Variants in ZNF277 observed in about 807,000 individuals in gnomAD.
ZNF277 encodes the protein zinc finger protein 277, also known as nuclear receptor-interacting factor 4.
A neutral mutation model predicts 60.7 loss-of-function variants in ZNF277; 55 were observed. The observed-to-expected ratio is 0.91, with a 90% CI of 0.73 to 1.13. The LOEUF (loss-of-function observed/expected upper bound fraction) is 1.13, where lower values mean the gene tolerates loss of function less well. ZNF277 is among the 50% of genes most tolerant of loss of function. The probability of loss-of-function intolerance (pLI) is 0.00; values close to 1 mark genes in which losing one functional copy is unlikely to be tolerated. For synonymous variants in ZNF277, 178 were observed against 179.3 expected (o/e 0.99, Z 0.06); for missense variants, 510 against 523.0 (o/e 0.98, Z 0.24).
chr7:112,207,335 G>T (rs1266342301), intron 1 of ZNF277, among the ~76,000 whole-genome samples: 6 of 152,156 alleles, frequency 3.9e-5, no homozygotes, highest in African/African-American at 1.4e-4. Flanking sequence ...GACCTCTGAA[G>T]GGAAAGTGTG....
At chr7:112,240,680 A>G (rs765864161) in intron 1 of ZNF277, among the ~76,000 whole-genome samples, 6 of 152,210 alleles carry the variant, frequency 3.9e-5, no homozygotes, top group Non-Finnish European at 8.8e-5. Flanking sequence ...GGAACAGAAT[A>G]GAGAATCCAG....
intron 6 of ZNF277, chr7:112,328,548 A>G (rs374735841): frequency 2.0e-5 from 3 of 152,072 alleles, no homozygotes; most frequent in South Asian, 2.1e-4. Flanking sequence ...TGGTGCTTCA[A>G]CCCACAACAC....
chr7:112,243,034 A>G (rs917629030), intron 1 of ZNF277, among the ~76,000 whole-genome samples: 13 of 152,188 alleles, frequency 8.5e-5, no homozygotes, highest in Admixed American at 8.5e-4. Context: ...CCTACATTCA[A>G]TTGATCTTTG....
At chr7:112,260,644 GA>G (rs1791420653) in intron 1 of ZNF277, among the ~76,000 whole-genome samples, 1 of 152,092 alleles carries the variant, frequency 6.6e-6, no homozygotes, top group Non-Finnish European at 1.5e-5. Flanking sequence ...TTATTTCTAG[GA>G]AGCGATAAGC....
intron 1 of ZNF277, among the ~76,000 whole-genome samples, chr7:112,271,498 G>A (rs150477634): frequency 2.0e-5 from 3 of 152,284 alleles, no homozygotes; most frequent in Non-Finnish European, 4.4e-5. Flanking sequence ...TATTTTTTAA[G>A]TGTCCTGAAC....
intron 1 of ZNF277, among the ~76,000 whole-genome samples, chr7:112,256,276 A>G (rs554349561): frequency 3.2e-4 from 48 of 152,184 alleles, no homozygotes; most frequent in Middle Eastern, 6.8e-3. Flanking sequence ...TTATCTCCTG[A>G]ATGTCTTATA....
intron 1 of ZNF277, among the ~76,000 whole-genome samples, chr7:112,257,136 A>G (rs1791332516): frequency 6.6e-6 from 1 of 152,234 alleles, no homozygotes; most frequent in African/African-American, 2.4e-5. Context: ...GACCATCAAC[A>G]TAATCAATAC....
intron 4 of ZNF277, among the ~76,000 whole-genome samples, chr7:112,308,767 G>C (rs1792656636): frequency 6.6e-6 from 1 of 152,014 alleles, no homozygotes; most frequent in African/African-American, 2.4e-5. Context: ...TAAAACAAAA[G>C]ACAGATTAAC....
chr7:112,238,772 G>T (rs1473044492), intron 1 of ZNF277, among the ~76,000 whole-genome samples: 1 of 151,818 alleles, frequency 6.6e-6, no homozygotes. Flanking sequence ...CCAGGCCCTG[G>T]CTCCTGGATG....
chr7:112,286,264 T>G (rs551662896), intron 1 of ZNF277, among the ~76,000 whole-genome samples: 3 of 152,344 alleles, frequency 2.0e-5, no homozygotes, highest in East Asian at 3.9e-4. Flanking sequence ...TAATGCATAC[T>G]TGTGTAATAG....
At position 112,343,710 on chromosome 7, in the gene ZNF277, G is replaced by T. The variant is rs1379565258; in HGVS notation, c.*981G>T. 6.6e-6 allele frequency among the ~76,000 whole-genome samples: 1 copy of T among 152,012 alleles called. No individual in the cohort carries two copies. Among genetic ancestry groups the T allele is most frequent in the Non-Finnish European group, 1.5e-5 (1 of 67,986 alleles). On this transcript the variant is annotated 3_prime_UTR_variant, in exon 12 of 12. Transcript: ENST00000361822. ...GGGAGGCCAAGGCAGAGGATCACAT[G>T]AGGTCAGGAGTTCAAGATCAGCCTG...
At chr7:112,218,555 A>G (rs1389235853) in intron 1 of ZNF277, among the ~76,000 whole-genome samples, 2 of 152,206 alleles carry the variant, frequency 1.3e-5, no homozygotes, top group Non-Finnish European at 2.9e-5. Flanking sequence ...CCTGTTGTAC[A>G]GCAGATCTCC....
chr7:112,284,823 T>A (rs1792025515), intron 1 of ZNF277, among the ~76,000 whole-genome samples: 1 of 152,172 alleles, frequency 6.6e-6, no homozygotes, highest in African/African-American at 2.4e-5. Flanking sequence ...CCAGCTCAGT[T>A]AAGTGACTCC....
intron 1 of ZNF277, among the ~76,000 whole-genome samples, chr7:112,216,912 A>G (rs565009067): frequency 2.0e-5 from 3 of 152,318 alleles, no homozygotes; most frequent in Non-Finnish European, 4.4e-5. Flanking sequence ...CTATACTCTG[A>G]GACAATATGG....
At chr7:112,228,655 AT>A (rs1268683235) in intron 1 of ZNF277, among the ~76,000 whole-genome samples, 1 of 151,568 alleles carries the variant, frequency 6.6e-6, no homozygotes, top group African/African-American at 2.4e-5. Flanking sequence ...CAACACTCTT[AT>A]TTTTTTACTA....
At position 112,294,439 on chromosome 7, in the gene ZNF277, T is replaced by C. The variant is rs980601325; in HGVS notation, c.294-1430T>C. On this transcript the variant is annotated intron_variant, in intron 2 of 11. Coordinates refer to ENST00000361822, the MANE Select transcript of ZNF277 (RefSeq NM_021994.3). The stretch of plus-strand genomic sequence containing the variant: ...GTTAGCCAAGGAGTAGGGTGCATCA[T>C]TTATATATTTGTGGTTTAAGGCTCA... 3.9e-5 allele frequency among the ~76,000 whole-genome samples: 6 copies of C among 152,304 alleles called. No individual in the cohort carries two copies. In the Middle Eastern group the frequency reaches 0.01, roughly 259 times the overall value.
At chr7:112,275,534 G>A (rs4730519) in intron 1 of ZNF277, among the ~76,000 whole-genome samples, 59,279 of 151,958 alleles carry the variant, frequency 0.39, 15,001 homozygotes, top group African/African-American at 0.72. Context: ...GAATATACTT[G>A]ACCATATATG....
At chr7:112,326,612 A>G (rs1793097508) in intron 5 of ZNF277, among the ~76,000 whole-genome samples, 1 of 151,446 alleles carries the variant, frequency 6.6e-6, no homozygotes, top group East Asian at 1.9e-4. Flanking sequence ...TACTAACCAC[A>G]AGGTTAATAA....
intron 8 of ZNF277, among the ~76,000 whole-genome samples, chr7:112,337,407 A>G (rs41281063): frequency 0.15 from 22,452 of 152,220 alleles, 1,726 homozygotes; most frequent in South Asian, 0.16. Flanking sequence ...ATTTTCTGAT[A>G]TGTCTCCTTT....
Sources: allele counts gnomAD v4.1 joint callset (sites outside exome capture counted in the v4.1 genomes callset), GRCh38; gene constraint gnomAD v4.1.1; transcripts MANE v1.5; gene names NCBI Gene and HGNC (gene_info 2026-07-23, HGNC 2026-07-21).